The following CREB5 variants were observed in gnomAD, a reference collection of about 807,000 sequenced individuals.
CREB5 encodes the protein cAMP responsive element binding protein 5, also known as cyclic AMP-responsive element-binding protein 5.
A neutral mutation model predicts 57.1 loss-of-function variants in CREB5; 19 were observed. The observed-to-expected ratio is 0.33, with a 90% CI of 0.23 to 0.49. The LOEUF is 0.49. Among genes scored for constraint, CREB5 ranks in the 20% least tolerant of loss-of-function variants. The pLI, the probability that CREB5 is intolerant of heterozygous loss-of-function variation, is 0.99. For synonymous variants in CREB5, 238 were observed against 238.3 expected, an observed-to-expected ratio of 1.00 and a Z score of 0.01; for missense variants, 579 against 671.6, an observed-to-expected ratio of 0.86 and a Z score of 1.52.
chr7:28,739,983 G>A (rs1157920171), intron 7 of CREB5, among the ~76,000 whole-genome samples: 1 of 152,128 alleles, frequency 6.6e-6, no homozygotes, highest in Non-Finnish European at 1.5e-5. Flanking sequence ...ACACGGAATA[G>A]TCTCCCTTCT....
At chr7:28,705,364 C>CA (rs10686098) in intron 5 of CREB5, among the ~76,000 whole-genome samples, 33,721 of 92,554 alleles carry the variant, frequency 0.36, 5,090 homozygotes, top group African/African-American at 0.46. Flanking sequence ...GACTCTGACT[C>CA]AAAAAAAAAA....
intron 7 of CREB5, among the ~76,000 whole-genome samples, chr7:28,728,904 A>AT (rs575630982): frequency 3.2e-4 from 48 of 149,690 alleles, no homozygotes; most frequent in East Asian, 5.9e-4. Context: ...TAAATCTGTC[A>AT]TTTTTTTTTT....
chr7:28,377,947 A>AAAAAAG (rs1554309949), intron 1 of CREB5, among the ~76,000 whole-genome samples: 3 of 144,772 alleles, frequency 2.1e-5, no homozygotes, highest in African/African-American at 7.7e-5. Flanking sequence ...AAAAAAAAAC[A>AAAAAAG]AAAAAGAAAA....
intron 7 of CREB5, among the ~76,000 whole-genome samples, chr7:28,785,418 C>T (rs1319877812): frequency 1.3e-5 from 2 of 152,212 alleles, no homozygotes; most frequent in African/African-American, 4.8e-5. Flanking sequence ...AAACACACTT[C>T]GAAGGAGCTC....
chr7:28,623,951 G>T (rs1457214482), intron 5 of CREB5, among the ~76,000 whole-genome samples: 1 of 152,070 alleles, frequency 6.6e-6, no homozygotes, highest in Non-Finnish European at 1.5e-5. Flanking sequence ...CAAAACCCAG[G>T]GATATGATAA....
intron 1 of CREB5, among the ~76,000 whole-genome samples, chr7:28,435,344 T>C (rs1163963128): frequency 6.6e-6 from 1 of 151,938 alleles, no homozygotes; most frequent in Non-Finnish European, 1.5e-5. Context: ...GATGTGTGAT[T>C]GTCAGTGGGG....
chr7:28,598,633 C>T (rs1796784988), intron 5 of CREB5, among the ~76,000 whole-genome samples: 1 of 152,118 alleles, frequency 6.6e-6, no homozygotes, highest in Admixed American at 6.6e-5. Flanking sequence ...CTCACCCCAA[C>T]CTAGAACTAG....
chr7:28,445,559 T>C (rs1391434402), intron 1 of CREB5, among the ~76,000 whole-genome samples: 1 of 151,958 alleles, frequency 6.6e-6, no homozygotes, highest in Non-Finnish European at 1.5e-5. Context: ...TTTCTTTTTT[T>C]TTTTTTATTT....
intron 5 of CREB5, among the ~76,000 whole-genome samples, chr7:28,714,741 A>G (rs1203869966): frequency 6.6e-6 from 1 of 152,250 alleles, no homozygotes; most frequent in Non-Finnish European, 1.5e-5. Context: ...ACAAGTGTAG[A>G]AAGAGGAATA....
intron 4 of CREB5, among the ~76,000 whole-genome samples, chr7:28,557,321 T>G (rs1331272342): frequency 1.3e-5 from 2 of 152,120 alleles, no homozygotes; most frequent in East Asian, 3.9e-4. Context: ...TTTTAAAAAT[T>G]AAGGAATATG....
intron 1 of CREB5, among the ~76,000 whole-genome samples, chr7:28,307,336 G>T (rs1785208620): frequency 6.6e-6 from 1 of 152,156 alleles, no homozygotes; most frequent in Admixed American, 6.5e-5. Context: ...CTAATAAAGG[G>T]GTTTGAGGGG....
intron 1 of CREB5, among the ~76,000 whole-genome samples, chr7:28,404,037 C>T (rs551660340): frequency 9.2e-5 from 14 of 152,222 alleles, no homozygotes; most frequent in East Asian, 1.9e-4. Context: ...TGTCATGGCC[C>T]GTACATACAT....
At chr7:28,544,311 T>A (rs1213072645) in intron 4 of CREB5, among the ~76,000 whole-genome samples, 1 of 152,190 alleles carries the variant, frequency 6.6e-6, no homozygotes, top group Non-Finnish European at 1.5e-5. Flanking sequence ...GATGTTGTAT[T>A]GAGAGGCTGG....
intron 5 of CREB5, among the ~76,000 whole-genome samples, chr7:28,672,173 T>C (rs1238860969): frequency 5.1e-5 from 4 of 79,168 alleles, no homozygotes; most frequent in Non-Finnish European, 9.4e-5. Flanking sequence ...AGTTGTATTA[T>C]GGAAAAAAAA....
intron 1 of CREB5, among the ~76,000 whole-genome samples, chr7:28,389,224 C>T (rs1235454735): frequency 6.6e-6 from 1 of 152,162 alleles, no homozygotes; most frequent in African/African-American, 2.4e-5. Context: ...CTATTTGCAT[C>T]TTAAAAAGAT....
chr7:28,787,662 C>T (rs1807412949), intron 7 of CREB5, among the ~76,000 whole-genome samples: 1 of 152,350 alleles, frequency 6.6e-6, no homozygotes, highest in East Asian at 1.9e-4. Context: ...TCAAGCCATC[C>T]TCCCACGTCA....
chr7:28,797,180 T>C (rs13226183), intron 7 of CREB5, among the ~76,000 whole-genome samples: 12,078 of 152,256 alleles, frequency 0.079, 631 homozygotes, highest in East Asian at 0.15. Context: ...CAAAGTGCAA[T>C]GTATCACCTA....
chr7:28,459,151 A>G (rs1790242259), intron 1 of CREB5, among the ~76,000 whole-genome samples: 1 of 152,128 alleles, frequency 6.6e-6, no homozygotes, highest in Non-Finnish European at 1.5e-5. Flanking sequence ...AGCCTTCCAG[A>G]GAAATTCAAC....
At chr7:28,363,618 T>C (rs1786531415) in intron 1 of CREB5, among the ~76,000 whole-genome samples, 1 of 151,688 alleles carries the variant, frequency 6.6e-6, no homozygotes, top group Admixed American at 6.6e-5. Flanking sequence ...AATAAACACC[T>C]TGAGGGTGAG....
Sources: allele counts gnomAD v4.1 joint callset (sites outside exome capture counted in the v4.1 genomes callset), GRCh38; gene constraint gnomAD v4.1.1; transcripts MANE v1.5; gene names NCBI Gene and HGNC (gene_info 2026-07-23, HGNC 2026-07-21).